Variants in JCHAIN observed in about 807,000 individuals in gnomAD.
The protein encoded by JCHAIN is joining chain of multimeric IgA and IgM.
JCHAIN carries 5 observed loss-of-function variants against 11.1 expected under a neutral mutation model. The observed-to-expected ratio is 0.45, with a 90% CI of 0.24 to 0.95. The LOEUF is 0.95. Ranked by LOEUF, JCHAIN falls within the 40% of genes least tolerant of loss-of-function variation. The pLI is 0.21. For synonymous variants in JCHAIN, 51 were observed against 67.8 expected, an observed-to-expected ratio of 0.75 and a Z score of 1.22; for missense variants, 165 against 192.7, an observed-to-expected ratio of 0.86 and a Z score of 0.85.
Position 70,655,979 on chromosome 4 carries a change from C to T in JCHAIN, c.*350G>A, listed in dbSNP as rs1478998766. The T allele has an allele frequency of 6.3e-6, 1 of 157,620 alleles. No homozygotes were observed. Among genetic ancestry groups the T allele is most frequent in the African/African-American group, 2.5e-5 (1 of 40,288 alleles). The allele number at this position is 157,620 out of a possible 1,614,324, so 9.8% of individuals were successfully genotyped here. ...AAAAAGCGGGGGGGAATGCGAGGAACATTTTATTACACCTCCTGATTTTCA... is the reference window on the plus strand; with the variant it reads ...AAAAAGCGGGGGGGAATGCGAGGAATATTTTATTACACCTCCTGATTTTCA... On this transcript the variant is annotated 3_prime_UTR_variant, in exon 4 of 4. Transcript: ENST00000254801.
chr4:70,660,796 G>A (rs16845344), intron 2 of JCHAIN, among the ~76,000 whole-genome samples: 6,147 of 152,224 alleles, frequency 0.04, 413 homozygotes, highest in African/African-American at 0.14. Context: ...ATATCCTAAG[G>A]TCAATGTTGG....
intron 1 of JCHAIN, 90 bp downstream of exon 1, chr4:70,666,337 C>T (rs925417746): frequency 1.2e-4 from 105 of 879,650 alleles, no homozygotes; most frequent in Non-Finnish European, 1.8e-5. Context: ...ACTGGCCAAC[C>T]AAAGCATAGG....
rs1242447706 is a variant in JCHAIN, at chr4:70,656,198, T to C, written c.*131A>G. On this transcript the variant is annotated 3_prime_UTR_variant, in exon 4 of 4. Coordinates refer to ENST00000254801, the MANE Select transcript of JCHAIN (RefSeq NM_144646.4). ...TTTTAATTATTTTGGTGGCAGGGAGTTGGTTTTACATCACCCAAAAAAAAA... is the reference window on the plus strand; with the variant it reads ...TTTTAATTATTTTGGTGGCAGGGAGCTGGTTTTACATCACCCAAAAAAAAA... 3.2e-6 allele frequency: 2 copies of C among 619,806 alleles called. No homozygotes were observed. The highest frequency in any genetic ancestry group is 5.7e-6 in the Non-Finnish European group (2 of 348,010). The allele number at this position is 619,806 out of a possible 1,614,324, so 38.4% of individuals were successfully genotyped here.
chr4:70,662,416 T>C (rs76730359), intron 1 of JCHAIN, among the ~76,000 whole-genome samples: 2,020 of 152,326 alleles, frequency 0.013, 52 homozygotes, highest in African/African-American at 0.047. Flanking sequence ...TTTCACTTTT[T>C]TCTTGAACCA....
chr4:70,663,130 A>G (rs781611457), intron 1 of JCHAIN, among the ~76,000 whole-genome samples: 2 of 152,224 alleles, frequency 1.3e-5, no homozygotes, highest in Non-Finnish European at 2.9e-5. Flanking sequence ...TGACCATTAA[A>G]GCCTTAACTT....
intron 2 of JCHAIN, among the ~76,000 whole-genome samples, chr4:70,658,850 G>A (rs1739003235): frequency 1.3e-5 from 2 of 152,208 alleles, no homozygotes; most frequent in Middle Eastern, 6.8e-3. Flanking sequence ...TCCTATCATA[G>A]CACTTACAAT....
At chr4:70,661,949 A>C in intron 2 of JCHAIN, 143 bp downstream of exon 2, 1 of 728,812 alleles carries the variant, frequency 1.4e-6, no homozygotes, top group South Asian at 2.0e-5. Context: ...AAGCTCATTC[A>C]TAAGACTCAA....
At chr4:70,657,038 T>C (rs1738963024) in intron 3 of JCHAIN, among the ~76,000 whole-genome samples, 173 bp downstream of exon 3, 1 of 152,224 alleles carries the variant, frequency 6.6e-6, no homozygotes, top group Non-Finnish European at 1.5e-5. Flanking sequence ...CAAAGTTTTA[T>C]GAATTTATGA....
intron 1 of JCHAIN, among the ~76,000 whole-genome samples, chr4:70,662,867 G>A (rs1008879416): frequency 2.0e-5 from 3 of 151,954 alleles, no homozygotes; most frequent in African/African-American, 7.3e-5. Flanking sequence ...TCTGAGGCAG[G>A]AGAATCACTT....
intron 1 of JCHAIN, chr4:70,665,888 T>C (rs1180420620): frequency 3.0e-6 from 1 of 332,818 alleles, no homozygotes; most frequent in Non-Finnish European, 6.1e-6. Flanking sequence ...TTCCATTTTC[T>C]GAAGTTGTTT....
At position 70,666,500 on chromosome 4, in the gene JCHAIN, ACTT is replaced by A. The variant is rs763679732; in HGVS notation, c.-13_-11del. 3.0e-5 allele frequency: 48 copies of A among 1,609,452 alleles called. No individual in the cohort carries two copies. Among genetic ancestry groups the A allele is most frequent in the Non-Finnish European group, 3.7e-5 (43 of 1,175,986 alleles). On this transcript the variant is annotated 5_prime_UTR_variant, in exon 1 of 4. Transcript: ENST00000254801. ...GCAAATGGTTCTTCATCTTGACTTC[ACTT>A]CTTCTGAAAAACTGGAGCAAAAAAA...
At chr4:70,659,686 A>C (rs187039417) in intron 2 of JCHAIN, among the ~76,000 whole-genome samples, 125 of 151,102 alleles carry the variant, frequency 8.3e-4, no homozygotes, top group African/African-American at 2.9e-3. Context: ...ACATGGTGAA[A>C]CCTCATCTCT....
chr4:70,656,118 G>C lies in JCHAIN; in HGVS notation c.*211C>G, dbSNP rs1738945576. On this transcript the variant is annotated 3_prime_UTR_variant, in exon 4 of 4. Transcript: ENST00000254801. Reference sequence around the variant, plus strand: ...GATAATTGGAAGATTTTGATACTTAGAGTATGAACATATAATTAAGAAGTG... The same window carrying C: ...GATAATTGGAAGATTTTGATACTTACAGTATGAACATATAATTAAGAAGTG... 1 of 541,634 alleles carries C rather than the reference G, an allele frequency of 1.8e-6. No individual in the cohort carries two copies. Among genetic ancestry groups the C allele is most frequent in the Non-Finnish European group, 3.3e-6 (1 of 306,056 alleles). The allele number at this position is 541,634 out of a possible 1,614,324, so 33.6% of individuals were successfully genotyped here.
intron 2 of JCHAIN, among the ~76,000 whole-genome samples, chr4:70,657,792 G>T (rs973467159): frequency 1.3e-5 from 2 of 152,124 alleles, no homozygotes; most frequent in African/African-American, 4.8e-5. Context: ...TTCAATATAT[G>T]TGAAATGGAC....
chr4:70,658,099 A>G (rs1159594028), intron 2 of JCHAIN, among the ~76,000 whole-genome samples: 1 of 152,188 alleles, frequency 6.6e-6, no homozygotes, highest in Non-Finnish European at 1.5e-5. Flanking sequence ...AAACCTGGCT[A>G]TCATACCTGA....
chr4:70,656,689 G>T, intron 3 of JCHAIN, 150 bp from the exon 4 acceptor site: 1 of 615,750 alleles, frequency 1.6e-6, no homozygotes, highest in Non-Finnish European at 2.9e-6. Flanking sequence ...CTACAATACA[G>T]AATAGCTTAT....
chr4:70,662,826 G>C (rs1265131456), intron 1 of JCHAIN, among the ~76,000 whole-genome samples: 1 of 152,008 alleles, frequency 6.6e-6, no homozygotes, highest in Non-Finnish European at 1.5e-5. Flanking sequence ...GGGCATGGTG[G>C]TGCATGCCTG....
At chr4:70,666,336 C>T in intron 1 of JCHAIN, 91 bp downstream of exon 1, 2 of 875,486 alleles carry the variant, frequency 2.3e-6, no homozygotes, top group South Asian at 1.7e-5. Flanking sequence ...AACTGGCCAA[C>T]CAAAGCATAG....
chr4:70,656,632 G>A, intron 3 of JCHAIN, 93 bp from the exon 4 acceptor site: 1 of 868,810 alleles, frequency 1.2e-6, no homozygotes, highest in East Asian at 2.6e-5. Flanking sequence ...AGTTCTTGCA[G>A]CTCTGACATG....
Sources: gnomAD v4.1 joint callset for allele counts (sites outside exome capture counted in the v4.1 genomes callset) on GRCh38, gnomAD v4.1.1 for gene constraint, MANE v1.5 for transcripts, NCBI Gene and HGNC (gene_info 2026-07-23, HGNC 2026-07-21) for gene names.